ADGRB1: variants seen among roughly 807,000 people sequenced by gnomAD.
The protein encoded by ADGRB1 is adhesion G protein-coupled receptor B1.
In ADGRB1, 36 loss-of-function variants were observed where a neutral mutation model predicts 175.7. The ratio of observed to expected loss-of-function variants is 0.20; its 90% CI spans 0.16 to 0.27. The LOEUF (loss-of-function observed/expected upper bound fraction) is 0.27. Among genes scored for constraint, ADGRB1 ranks in the 10% least tolerant of loss-of-function variants. ADGRB1 has a pLI of 1.00. For missense variants in ADGRB1, 1,731 were observed against 2,255.3 expected (o/e 0.77, Z 4.71); for synonymous variants, 1,054 against 979.4 (o/e 1.08, Z -1.42).
chr8:142,467,497 C>T (rs1840347626), intron 2 of ADGRB1, among the ~76,000 whole-genome samples: 1 of 152,148 alleles, frequency 6.6e-6, no homozygotes, highest in Non-Finnish European at 1.5e-5. Flanking sequence ...AGGATGTCAG[C>T]TGAGTTGAGG....
At chr8:142,524,417 A>G in intron 23 of ADGRB1, 113 bp downstream of exon 23, 1 of 1,099,520 alleles carries the variant, frequency 9.1e-7, no homozygotes, top group Non-Finnish European at 1.3e-6. Context: ...TCCCTTCAGG[A>G]TGGCCCTCAT....
rs1210650882 is a variant in ADGRB1, at chr8:142,544,526, C to G, written c.*109C>G. 1.1e-5 allele frequency: 14 copies of G among 1,277,870 alleles called. No individual in the cohort carries two copies. In the East Asian group the frequency reaches 1.2e-4, roughly 11 times the overall value. The allele number at this position is 1,277,870 out of a possible 1,614,324, so 79.2% of individuals were successfully genotyped here. ...TCGCGGGCAGCGGGCCAGGCCCGCA[C>G]CCCGGCCTCAGGGCGCTCAGACGGC... On this transcript the variant is annotated 3_prime_UTR_variant, in exon 31 of 31. Transcript: ENST00000517894.
rs1554614209 is a variant in ADGRB1 at position 142,500,228 on chromosome 8, C to CTCCTCCACCTCCCCACGCGCCGG, written c.2675+9435_2675+9436insGTCCTCCACCTCCCCACGCGCCG. Among the ~76,000 whole-genome samples the CTCCTCCACCTCCCCACGCGCCGG allele has an allele frequency of 1.7e-3, 224 of 131,660 alleles. 18 individuals are homozygous for CTCCTCCACCTCCCCACGCGCCGG. Among genetic ancestry groups the CTCCTCCACCTCCCCACGCGCCGG allele is most frequent in the East Asian group, 0.012 (47 of 3,914 alleles). The allele number at this position is 131,660 out of a possible 152,430, so 86.4% of individuals were successfully genotyped here. A position where few individuals can be genotyped will look rare whatever the true frequency, so the allele number is the denominator to read the frequency against. On this transcript the variant is annotated intron_variant, in intron 17 of 30. Transcript: ENST00000517894. The stretch of plus-strand genomic sequence containing the variant: ...CGCTCCTCCACTTCCCCCCGCGCCG[C>CTCCTCCACCTCCCCACGCGCCGG]TCCTCCACCTCCCCACGCGCCGCTC...
rs1841943631 is a variant in ADGRB1, at chr8:142,490,778, A to G, written c.2638A>G (p.Thr880Ala). The G allele has an allele frequency of 6.3e-7, 1 of 1,581,594 alleles. No individual in the cohort carries two copies. Among genetic ancestry groups the G allele is most frequent in the Non-Finnish European group, 8.6e-7 (1 of 1,163,708 alleles). The change falls in exon 17 of 31, where the codon ACC becomes GCC. Residue 880 changes from threonine (T) to alanine (A), a missense_variant. Thr to Ala is a moderately conservative substitution (Grantham distance 58). Around this residue, in one of 8 missense-constraint regions of ADGRB1, gnomAD observed 388 missense variants for 630.9 expected, o/e 0.61. Coordinates refer to ENST00000517894, the MANE Select transcript of ADGRB1 (RefSeq NM_001702.3). ...CCTCTCCCCTCTCTCCCAGGGCACCACCAACCAGACCTGTATCCTGTGGGA... is the reference window on the plus strand; with the variant it reads ...CCTCTCCCCTCTCTCCCAGGGCACCGCCAACCAGACCTGTATCCTGTGGGA... ...IEFAHMYNGT[T>A]NQTCILWDET...
chr8:142,453,112 GC>G (rs148176481), intron 1 of ADGRB1, among the ~76,000 whole-genome samples: 15,077 of 146,280 alleles, frequency 0.1, 1,106 homozygotes, highest in African/African-American at 0.21. Context: ...CTCGGCCGGA[GC>G]CCCCCTCGCC....
Position 142,536,974 on chromosome 8 carries a change from T to C in ADGRB1, c.3571-13T>C. ...CGTGGCTGCCACTGAGGTGCTCGGC[T>C]CTCCCTCCCCAGGTCCAGGACGCTG... On this transcript the variant is annotated splice_polypyrimidine_tract_variant and intron_variant, in intron 25 of 30. Transcript: ENST00000517894. The C allele has an allele frequency of 6.4e-7, 1 of 1,572,644 alleles. No homozygotes were observed. Among genetic ancestry groups the C allele is most frequent in the South Asian group, 1.2e-5 (1 of 85,680 alleles).
intron 1 of ADGRB1, among the ~76,000 whole-genome samples, chr8:142,450,690 CCTT>C (rs1413824999): frequency 2.6e-5 from 4 of 152,170 alleles, no homozygotes; most frequent in African/African-American, 7.2e-5. Context: ...ACCCCAGACT[CCTT>C]CTCGAAGCCC....
rs531885231 is a variant in ADGRB1 at position 142,539,791 on chromosome 8, CT to C, written c.3706+379del. ...CTCACCCTAGTGCCGCTCCCCCCCC[CT>C]GCCTCCTGCCCACCGCCCTCTAGCA... On this transcript the variant is annotated intron_variant, in intron 27 of 30. Coordinates refer to ENST00000517894, the MANE Select transcript of ADGRB1 (RefSeq NM_001702.3). 1,239 of 309,672 alleles carry C rather than the reference CT, an allele frequency of 4.0e-3. 6 individuals carry two copies. Among genetic ancestry groups the C allele is most frequent in the African/African-American group, 5.2e-3 (242 of 46,762 alleles). 19.2% of individuals were successfully genotyped at this position (309,672 alleles called of 1,614,324 possible).
chr8:142,528,216 C>T lies in ADGRB1; in HGVS notation c.3398+1589C>T, dbSNP rs758610527. On this transcript the variant is annotated intron_variant, in intron 24 of 30. Coordinates refer to ENST00000517894, the MANE Select transcript of ADGRB1 (RefSeq NM_001702.3). ...CCAGGTCAGCTCCCTCGCAGACACA[C>T]GGAAAGGGGACTGGAAGGCGCAGCG... Among the ~76,000 whole-genome samples the T allele has an allele frequency of 4.6e-5, 7 of 152,240 alleles. No individual in the cohort carries two copies. In the East Asian group the frequency reaches 7.7e-4, roughly 17 times the overall value.
intron 20 of ADGRB1, 54 bp downstream of exon 20, chr8:142,520,979 A>T: frequency 6.5e-7 from 1 of 1,538,652 alleles, no homozygotes; most frequent in Non-Finnish European, 8.9e-7. Context: ...GGTGGTGAGG[A>T]TGGACCCCAG....
intron 17 of ADGRB1, among the ~76,000 whole-genome samples, chr8:142,506,739 AG>A (rs1346723061): frequency 6.6e-6 from 1 of 152,130 alleles, no homozygotes; most frequent in African/African-American, 2.4e-5. Flanking sequence ...TTGTTGAAAG[AG>A]GGAGGTCTGA....
At chr8:142,450,356 G>C (rs1010624207) in intron 1 of ADGRB1, among the ~76,000 whole-genome samples, 3 of 151,852 alleles carry the variant, frequency 2.0e-5, no homozygotes, top group Non-Finnish European at 4.4e-5. Context: ...AGGCTGAGGA[G>C]GGGGCGACCC....
chr8:142,492,021 T>G lies in ADGRB1; in HGVS notation c.2675+1206T>G, dbSNP rs377528316. Among the ~76,000 whole-genome samples, 752 of 151,824 alleles carry G rather than the reference T, an allele frequency of 5.0e-3. 7 individuals carry two copies. Among genetic ancestry groups the G allele is most frequent in the African/African-American group, 0.017 (716 of 41,406 alleles). ...GGGCTCAGGGGAGGCCGCGGCAGGG[T>G]GAGGACAGTTAGTGGGGGCTGGGTG... On this transcript the variant is annotated intron_variant, in intron 17 of 30. Transcript: ENST00000517894. This position sits in a 1 kb window ranked among gnomAD's most constrained non-coding sequence, Gnocchi z 4.4.
chr8:142,489,337 A>C lies in ADGRB1; in HGVS notation c.2530A>C (p.Asn844His). The C allele has an allele frequency of 6.2e-7, 1 of 1,612,802 alleles. No homozygotes were observed. Among genetic ancestry groups the C allele is most frequent in the Non-Finnish European group, 8.5e-7 (1 of 1,179,792 alleles). The change falls in exon 16 of 31, where the codon AAC becomes CAC. Residue 844 changes from asparagine (N) to histidine (H), a missense_variant and splice_region_variant. Around this residue, in one of 8 missense-constraint regions of ADGRB1, gnomAD observed 388 missense variants for 630.9 expected, o/e 0.61. Coordinates refer to ENST00000517894, the MANE Select transcript of ADGRB1 (RefSeq NM_001702.3). ...NLGSFLALQRNTTVLNSKVIS... is the reference protein window; with the variant it reads ...NLGSFLALQRHTTVLNSKVIS... ...CACCTGTGCCTCTGGCTCTTGCAGG[A>C]ACACGACCGTCCTGAATTCTAAGGT...
intron 27 of ADGRB1, among the ~76,000 whole-genome samples, chr8:142,541,468 G>A (rs747850149): frequency 4.6e-5 from 7 of 152,142 alleles, no homozygotes; most frequent in Non-Finnish European, 7.4e-5. Context: ...CCAGGGCCTC[G>A]TGGCTGCACT....
At chr8:142,524,174 C>G in intron 22 of ADGRB1, 64 bp from the exon 23 acceptor site, 2 of 1,528,166 alleles carry the variant, frequency 1.3e-6, no homozygotes, top group Non-Finnish European at 1.8e-6. Flanking sequence ...CCTGAGAGGC[C>G]GGCAGCACCT....
chr8:142,537,793 C>T lies in ADGRB1; in HGVS notation c.3666+711C>T, dbSNP rs751900518. On this transcript the variant is annotated intron_variant, in intron 26 of 30. Coordinates refer to ENST00000517894, the MANE Select transcript of ADGRB1 (RefSeq NM_001702.3). This position sits in a 1 kb window ranked among gnomAD's most constrained non-coding sequence, Gnocchi z 4.6. ...CCAAGTGGCGGTTCCTACGTAAGGG[C>T]CCCCAACAGCCCCCTGTGGAGCCTC... Among the ~76,000 whole-genome samples, 1 of 152,160 alleles carries T rather than the reference C, an allele frequency of 6.6e-6. No individual in the cohort carries two copies. Among genetic ancestry groups the T allele is most frequent in the Non-Finnish European group, 1.5e-5 (1 of 68,004 alleles).
intron 17 of ADGRB1, among the ~76,000 whole-genome samples, chr8:142,502,408 G>GTGA (rs1842642194): frequency 1.4e-5 from 2 of 139,758 alleles, no homozygotes; most frequent in South Asian, 2.6e-4. Flanking sequence ...GATGGTGGTG[G>GTGA]TGGTGGTGGT....
rs1842764189 is a variant in ADGRB1 at position 142,504,504 on chromosome 8, C to T, written c.2676-6428C>T. Among the ~76,000 whole-genome samples, 1 of 152,064 alleles carries T rather than the reference C, an allele frequency of 6.6e-6. No homozygotes were observed. The highest frequency in any genetic ancestry group is 1.5e-5 in the Non-Finnish European group (1 of 67,990). On this transcript the variant is annotated intron_variant, in intron 17 of 30. Coordinates refer to ENST00000517894, the MANE Select transcript of ADGRB1 (RefSeq NM_001702.3). The surrounding 1 kb of genome is among the most constrained non-coding windows in gnomAD (Gnocchi z 5.6). ...GGGGGGCTCTGGCTGCTGGGTGAGG[C>T]AGAACACAGGGAGGGGAGCCCAGCA...
Sources: allele counts gnomAD v4.1 joint callset (sites outside exome capture counted in the v4.1 genomes callset), GRCh38; gene constraint gnomAD v4.1.1; regional missense constraint gnomAD v4.1.1; non-coding constraint Gnocchi (gnomAD v3.1); transcripts MANE v1.5; gene names NCBI Gene and HGNC (gene_info 2026-07-23, HGNC 2026-07-21).